Variants in ARK2N observed in about 807,000 individuals in gnomAD.
ARK2N encodes arkadia (RNF111) N-terminal like PKA signaling regulator 2N.
chr18:46,256,525 A>T, the ARK2N span, among the ~76,000 whole-genome samples: 1 of 152,160 alleles, frequency 6.6e-6, no homozygotes, highest in Non-Finnish European at 1.5e-5. Context: ...CACAATCCCT[A>T]TTCTACACTT....
At chr18:46,255,632 G>A in the ARK2N span, among the ~76,000 whole-genome samples, 10 of 151,314 alleles carry the variant, frequency 6.6e-5, no homozygotes, top group African/African-American at 2.4e-4. Context: ...TGTATTTTTA[G>A]TTGAGATGGT....
At chr18:46,220,508 A>C in the ARK2N span, among the ~76,000 whole-genome samples, 12 of 152,240 alleles carry the variant, frequency 7.9e-5, no homozygotes, top group Admixed American at 7.9e-4. Context: ...AAATTTTTGA[A>C]AATAGAAATA....
chr18:46,186,071 G>T, the ARK2N span, among the ~76,000 whole-genome samples: 1 of 152,116 alleles, frequency 6.6e-6, no homozygotes, highest in Non-Finnish European at 1.5e-5. Context: ...GCATTTTTTT[G>T]AAGTGTTTAG....
the ARK2N span, among the ~76,000 whole-genome samples, chr18:46,222,763 CAG>C: frequency 1.0e-3 from 158 of 152,260 alleles, 1 homozygote; most frequent in South Asian, 0.024. Context: ...GCAGAGGAGA[CAG>C]AGAGTTCCCA....
the ARK2N span, among the ~76,000 whole-genome samples, chr18:46,195,559 CTTTTTTTTTTTTT>C: frequency 3.9e-3 from 283 of 72,672 alleles, no homozygotes; most frequent in Middle Eastern, 0.013. Context: ...CCCACATAAA[CTTTTTTTTTTTTT>C]TTTTTTTTTT....
the ARK2N span, among the ~76,000 whole-genome samples, chr18:46,194,732 C>T: frequency 6.6e-6 from 1 of 150,738 alleles, no homozygotes; most frequent in African/African-American, 2.4e-5. Context: ...CCTTGGCCTC[C>T]CAAAGTGCTG....
chr18:46,211,277 C>G, the ARK2N span, among the ~76,000 whole-genome samples: 1 of 152,088 alleles, frequency 6.6e-6, no homozygotes, highest in African/African-American at 2.4e-5. Context: ...GTTGCAAACA[C>G]GGCTCATGAC....
the ARK2N span, among the ~76,000 whole-genome samples, chr18:46,188,760 C>A: frequency 2.3e-4 from 35 of 152,270 alleles, no homozygotes; most frequent in Admixed American, 5.9e-4. Context: ...TGCCTATAGT[C>A]TCAGCACTTT....
the ARK2N span, among the ~76,000 whole-genome samples, chr18:46,204,433 G>A: frequency 1.3e-5 from 2 of 152,072 alleles, no homozygotes; most frequent in Non-Finnish European, 2.9e-5. Flanking sequence ...GCTTTGTTTT[G>A]TTAGCAAAAC....
the ARK2N span, among the ~76,000 whole-genome samples, chr18:46,187,073 C>T: frequency 4.1e-5 from 6 of 147,312 alleles, no homozygotes; most frequent in Admixed American, 3.4e-4. Flanking sequence ...AGACTGGTCT[C>T]GAACTCCAGA....
the ARK2N span, among the ~76,000 whole-genome samples, chr18:46,249,177 A>G: frequency 2.6e-5 from 4 of 152,074 alleles, no homozygotes; most frequent in African/African-American, 9.7e-5. Flanking sequence ...CTGCGGCTTC[A>G]TCCAGGCTCT....
the ARK2N span, chr18:46,262,909 G>A: frequency 6.2e-7 from 1 of 1,610,140 alleles, no homozygotes; most frequent in Non-Finnish European, 8.5e-7. Flanking sequence ...CCATGCTTTT[G>A]TTCTTCATCT....
At chr18:46,231,982 C>T in the ARK2N span, 1 of 152,300 alleles carries the variant, frequency 6.6e-6, no homozygotes, top group East Asian at 1.9e-4. Flanking sequence ...TCTCGAACTC[C>T]TGACCTCAGG....
At chr18:46,240,169 G>A in the ARK2N span, 1 of 1,614,164 alleles carries the variant, frequency 6.2e-7, no homozygotes, top group African/African-American at 1.3e-5. Flanking sequence ...GCTTCTAGAG[G>A]AGCTGAATGC....
the ARK2N span, among the ~76,000 whole-genome samples, chr18:46,213,487 G>T: frequency 6.6e-6 from 1 of 151,952 alleles, no homozygotes; most frequent in East Asian, 1.9e-4. Context: ...TTTCGTGTTT[G>T]TATTGACAGC....
the ARK2N span, chr18:46,219,152 A>G: frequency 4.6e-5 from 7 of 152,218 alleles, no homozygotes; most frequent in African/African-American, 7.2e-5. Flanking sequence ...AGACCAGTGT[A>G]GTGCATGATC....
the ARK2N span, among the ~76,000 whole-genome samples, chr18:46,196,791 C>T: frequency 2.6e-5 from 4 of 152,142 alleles, no homozygotes; most frequent in Admixed American, 2.6e-4. Flanking sequence ...TATTTGTAGA[C>T]CTGATGGGCT....
chr18:46,251,712 T>C, the ARK2N span, among the ~76,000 whole-genome samples: 2 of 152,256 alleles, frequency 1.3e-5, no homozygotes, highest in Admixed American at 1.3e-4. Flanking sequence ...AGTATACATT[T>C]TTCCAAGTTG....
the ARK2N span, among the ~76,000 whole-genome samples, chr18:46,183,062 C>G: frequency 0.017 from 2,642 of 151,534 alleles, 71 homozygotes; most frequent in African/African-American, 0.06. Context: ...GGAAAGAAAA[C>G]CGAAAAACTT....
Sources: gnomAD v4.1 joint callset for allele counts (sites outside exome capture counted in the v4.1 genomes callset) on GRCh38, gnomAD v4.1.1 for gene constraint, MANE v1.5 for transcripts, NCBI Gene and HGNC (gene_info 2026-07-23, HGNC 2026-07-21) for gene names.